The following LEKR1 variants were observed in gnomAD, a reference collection of about 807,000 sequenced individuals.
LEKR1 encodes leucine, glutamate and lysine rich 1.
LEKR1 carries 59 observed loss-of-function variants against 72.4 expected under a neutral mutation model. The ratio of observed to expected loss-of-function variants is 0.82; its 90% CI spans 0.66 to 1.01. The LOEUF (loss-of-function observed/expected upper bound fraction) is 1.01, where lower values mean the gene tolerates loss of function less well. Among genes scored for constraint, LEKR1 ranks in the 50% least tolerant of loss-of-function variants. LEKR1 has a pLI of 0.00. For missense variants in LEKR1, 728 were observed against 759.2 expected (o/e 0.96, Z 0.48); for synonymous variants, 257 against 263.2 (o/e 0.98, Z 0.23).
chr3:157,035,788 A>T (rs1734928251), intron 12 of LEKR1, among the ~76,000 whole-genome samples: 1 of 152,170 alleles, frequency 6.6e-6, no homozygotes, highest in African/African-American at 2.4e-5. Context: ...AATCCCAGCT[A>T]CTTGGGAGGC....
At chr3:156,980,339 T>C (rs1023012077) in intron 7 of LEKR1, among the ~76,000 whole-genome samples, 2 of 152,152 alleles carry the variant, frequency 1.3e-5, no homozygotes, top group African/African-American at 4.8e-5. Flanking sequence ...AATGTATACT[T>C]GGATTATTTG....
chr3:157,030,572 T>C (rs568772132), intron 12 of LEKR1, among the ~76,000 whole-genome samples: 2 of 152,340 alleles, frequency 1.3e-5, no homozygotes, highest in African/African-American at 4.8e-5. Context: ...GAAGAGCCTG[T>C]ATAAGTTATC....
intron 3 of LEKR1, among the ~76,000 whole-genome samples, chr3:156,879,689 A>T (rs1055342188): frequency 5.0e-4 from 76 of 152,144 alleles, no homozygotes; most frequent in Non-Finnish European, 1.2e-4. Flanking sequence ...GCCTAGGAGG[A>T]AAAAATGGTT....
At position 156,920,649 on chromosome 3, in the gene LEKR1, TG is replaced by T; in HGVS notation, c.339del (p.Leu113PhefsTer5). The T allele has an allele frequency of 6.9e-7, 1 of 1,451,272 alleles. No individual in the cohort carries two copies. 89.9% of individuals were successfully genotyped at this position (1,451,272 alleles called of 1,614,324 possible). On this transcript the variant is annotated frameshift_variant, in exon 4 of 13. Coordinates refer to ENST00000356539, the MANE Select transcript of LEKR1 (RefSeq NM_001004316.3). LOFTEE classifies it high-confidence loss of function. ...FQKVKKQLSH[L>X]QDELKIKYRQ... ...AAAGTAAAGAAACAACTGAGTCATT[TG>T]CAAGATGAGCTAAAAATTAAATATA... is the stretch of plus-strand genomic sequence containing the variant.
intron 11 of LEKR1, among the ~76,000 whole-genome samples, chr3:157,026,983 T>G (rs1001434229): frequency 1.3e-5 from 2 of 152,184 alleles, no homozygotes; most frequent in African/African-American, 2.4e-5. Flanking sequence ...AATATTCAAG[T>G]GTTTTCTACA....
rs1553800892 is a variant in LEKR1 at position 156,909,669 on chromosome 3, A to AAAAAAG, written c.264-10903_264-10902insAAGAAA. Among the ~76,000 whole-genome samples the AAAAAAG allele has an allele frequency of 3.0e-3, 444 of 145,976 alleles. 16 individuals are homozygous for AAAAAAG. The highest frequency in any genetic ancestry group is 0.01 in the African/African-American group (402 of 38,326). ...AGAGTCTGTCTCAAAAAAAAAAAAA[A>AAAAAAG]AAAGAAATCTTCAATATCTTTACCT... is the stretch of plus-strand genomic sequence containing the variant. On this transcript the variant is annotated intron_variant, in intron 3 of 12. Transcript: ENST00000356539.
intron 5 of LEKR1, among the ~76,000 whole-genome samples, chr3:156,931,116 AAT>A (rs778734449): frequency 6.6e-6 from 1 of 152,188 alleles, no homozygotes; most frequent in Non-Finnish European, 1.5e-5. Flanking sequence ...TATGAAAATG[AAT>A]AGTTAAATCA....
chr3:156,879,837 C>T (rs1233478793), intron 3 of LEKR1, among the ~76,000 whole-genome samples: 1 of 152,220 alleles, frequency 6.6e-6, no homozygotes. Flanking sequence ...AGCCCCAAGC[C>T]TTGGCAGCTT....
intron 6 of LEKR1, among the ~76,000 whole-genome samples, chr3:156,959,776 T>G (rs748286085): frequency 2.6e-5 from 4 of 152,242 alleles, no homozygotes; most frequent in Non-Finnish European, 4.4e-5. Context: ...ATACCTGAAT[T>G]TGTTAATGTT....
At chr3:156,840,816 A>G (rs1713814258) in intron 2 of LEKR1, among the ~76,000 whole-genome samples, 1 of 152,254 alleles carries the variant, frequency 6.6e-6, no homozygotes, top group Admixed American at 6.5e-5. Flanking sequence ...GTAAAAGAGT[A>G]AGCACAGAGA....
At chr3:156,893,776 C>T (rs1307209630) in intron 3 of LEKR1, among the ~76,000 whole-genome samples, 7 of 152,152 alleles carry the variant, frequency 4.6e-5, no homozygotes, top group Non-Finnish European at 1.0e-4. Flanking sequence ...TACTCAGCCT[C>T]AGCAATGCAA....
chr3:157,005,023 T>C (rs9825405), intron 9 of LEKR1, among the ~76,000 whole-genome samples: 5,769 of 151,686 alleles, frequency 0.038, 379 homozygotes, highest in African/African-American at 0.13. Flanking sequence ...ATCAATAAAA[T>C]TAATAAACCT....
chr3:156,827,561 A>G (rs532119816), intron 1 of LEKR1, among the ~76,000 whole-genome samples: 3 of 152,378 alleles, frequency 2.0e-5, no homozygotes, highest in East Asian at 3.8e-4. Context: ...TTGGCTGTAT[A>G]AAAGAGGGAT....
At chr3:156,839,921 C>A (rs1713678565) in intron 2 of LEKR1, among the ~76,000 whole-genome samples, 1 of 152,084 alleles carries the variant, frequency 6.6e-6, no homozygotes, top group African/African-American at 2.4e-5. Flanking sequence ...AAAGTTACTC[C>A]AAGCGTGCCT....
At chr3:156,909,518 G>A (rs1722895632) in intron 3 of LEKR1, among the ~76,000 whole-genome samples, 1 of 151,956 alleles carries the variant, frequency 6.6e-6, no homozygotes, top group South Asian at 2.1e-4. Flanking sequence ...GGGTGTGGTG[G>A]CATGCGCCTG....
chr3:156,920,487 TTTTTATTAAAAG>T, intron 3 of LEKR1, 76 bp from the exon 4 acceptor site: 1 of 814,066 alleles, frequency 1.2e-6, no homozygotes, highest in Non-Finnish European at 1.9e-6. Flanking sequence ...CTTCTACTCC[TTTTTATTAAAAG>T]TAAGTATATT....
At chr3:156,989,645 T>C (rs577135566) in intron 7 of LEKR1, among the ~76,000 whole-genome samples, 4 of 152,370 alleles carry the variant, frequency 2.6e-5, no homozygotes, top group Admixed American at 2.0e-4. Context: ...TCTTTTCTAA[T>C]GTTTTATTTG....
In LEKR1 at chr3:157,030,157, G is replaced by A. The variant is rs1237004339; in HGVS notation, c.1668+1755G>A. 2.0e-5 allele frequency among the ~76,000 whole-genome samples: 3 copies of A among 152,218 alleles called. No homozygotes were observed. In the East Asian group the frequency reaches 5.8e-4, roughly 29 times the overall value. On this transcript the variant is annotated intron_variant, in intron 12 of 12. Transcript: ENST00000356539. ...ACATGGTGAGAGAGAGGTGGGGGGA[G>A]GTGCCACATTATTTTAAACAACCAA...
chr3:156,894,581 C>G (rs1720989689), intron 3 of LEKR1, among the ~76,000 whole-genome samples: 1 of 152,040 alleles, frequency 6.6e-6, no homozygotes, highest in Non-Finnish European at 1.5e-5. Context: ...CCCAAATAGT[C>G]AAAACCAATT....
Sources: gnomAD v4.1 joint callset for allele counts (sites outside exome capture counted in the v4.1 genomes callset) on GRCh38, gnomAD v4.1.1 for gene constraint, MANE v1.5 for transcripts, NCBI Gene and HGNC (gene_info 2026-07-23, HGNC 2026-07-21) for gene names.